MGMT: variants seen among roughly 807,000 people sequenced by gnomAD.
MGMT encodes methylated-DNA--protein-cysteine methyltransferase.
In MGMT, 14 loss-of-function variants were observed where a neutral mutation model predicts 15.9. The observed-to-expected ratio is 0.88, with a 90% CI of 0.58 to 1.37. MGMT has a LOEUF of 1.37. Among genes scored for constraint, MGMT ranks in the 40% most tolerant of loss-of-function variants. MGMT has a pLI of 0.00. For synonymous variants in MGMT, 130 were observed against 118.2 expected, an observed-to-expected ratio of 1.10 and a Z score of -0.65; for missense variants, 282 against 268.1, an observed-to-expected ratio of 1.05 and a Z score of -0.36.
intron 2 of MGMT, among the ~76,000 whole-genome samples, chr10:129,573,975 A>G (rs909007409): frequency 2.0e-5 from 3 of 152,272 alleles, no homozygotes; most frequent in African/African-American, 7.2e-5. Flanking sequence ...ATCTAACCCA[A>G]TACTTCATAT....
intron 1 of MGMT, among the ~76,000 whole-genome samples, chr10:129,486,686 A>T (rs1176639490): frequency 2.0e-5 from 3 of 152,174 alleles, no homozygotes; most frequent in South Asian, 2.1e-4. Context: ...TTCAAACTTT[A>T]TATGGAGGGG....
chr10:129,516,162 T>A (rs959708525), intron 1 of MGMT, among the ~76,000 whole-genome samples: 31 of 152,198 alleles, frequency 2.0e-4, no homozygotes, highest in Non-Finnish European at 3.8e-4. Context: ...TTGCTATTTT[T>A]ATTGCTCCAT....
chr10:129,727,180 T>C (rs1191689603), intron 3 of MGMT, among the ~76,000 whole-genome samples: 4 of 152,162 alleles, frequency 2.6e-5, no homozygotes, highest in Non-Finnish European at 5.9e-5. Context: ...TGGAGTCAGG[T>C]CTGGCCCCAA....
At chr10:129,626,582 G>T (rs940100362) in intron 2 of MGMT, among the ~76,000 whole-genome samples, 4 of 152,118 alleles carry the variant, frequency 2.6e-5, no homozygotes, top group African/African-American at 9.7e-5. Context: ...GGTTGGCAGG[G>T]TGCTCTGCTG....
intron 1 of MGMT, among the ~76,000 whole-genome samples, chr10:129,494,564 C>T (rs1845501956): frequency 6.6e-6 from 1 of 152,226 alleles, no homozygotes. Context: ...TGGAAATGTT[C>T]TGTGTCTCTG....
intron 2 of MGMT, among the ~76,000 whole-genome samples, chr10:129,687,065 G>T (rs917827795): frequency 1.3e-5 from 2 of 152,186 alleles, no homozygotes; most frequent in African/African-American, 2.4e-5. Context: ...CTCCTTAGTC[G>T]CTGCAACCCT....
At chr10:129,483,141 C>T (rs1311678171) in intron 1 of MGMT, among the ~76,000 whole-genome samples, 1 of 152,146 alleles carries the variant, frequency 6.6e-6, no homozygotes, top group African/African-American at 2.4e-5. Context: ...AATCTGCATT[C>T]ATGTGATATA....
chr10:129,551,806 A>G (rs1244140565), intron 2 of MGMT, among the ~76,000 whole-genome samples: 3 of 152,178 alleles, frequency 2.0e-5, no homozygotes, highest in African/African-American at 4.8e-5. Context: ...AGAGAAAGCC[A>G]GAGGGGTCAG....
rs572640206 is a variant in MGMT at position 129,673,703 on chromosome 10, C to T, written c.126-34192C>T. On this transcript the variant is annotated intron_variant, in intron 2 of 4. Transcript: ENST00000651593. ...CTATTAGTTGAAGAAATTGCCACCTCGTAATTTCAAATTAGTGGGAATTAA... is the reference window on the plus strand; with the variant it reads ...CTATTAGTTGAAGAAATTGCCACCTTGTAATTTCAAATTAGTGGGAATTAA... Among the ~76,000 whole-genome samples, 5 of 152,098 alleles carry T rather than the reference C, an allele frequency of 3.3e-5. No individual in the cohort carries two copies. In the East Asian group the frequency reaches 5.8e-4, roughly 18 times the overall value.
intron 2 of MGMT, among the ~76,000 whole-genome samples, chr10:129,554,515 G>A (rs961294487): frequency 5.3e-5 from 8 of 152,132 alleles, no homozygotes; most frequent in Non-Finnish European, 1.2e-4. Context: ...ATGTCCTGGT[G>A]AACCTCTATG....
chr10:129,721,819 A>G (rs1401428600), intron 3 of MGMT, among the ~76,000 whole-genome samples: 1 of 151,958 alleles, frequency 6.6e-6, no homozygotes, highest in Non-Finnish European at 1.5e-5. Flanking sequence ...TTTTATTAGA[A>G]TTAGCATATT....
chr10:129,642,888 C>G (rs183012894), intron 2 of MGMT, among the ~76,000 whole-genome samples: 24 of 151,870 alleles, frequency 1.6e-4, no homozygotes, highest in African/African-American at 5.6e-4. Flanking sequence ...GCCGCGATCC[C>G]ACCAAGGCAT....
At chr10:129,520,773 G>A (rs1420284093) in intron 1 of MGMT, among the ~76,000 whole-genome samples, 1 of 150,210 alleles carries the variant, frequency 6.7e-6, no homozygotes, top group Admixed American at 6.6e-5. Context: ...CCCCTAAGGT[G>A]TGCCTGCAGA....
At position 129,768,520 on chromosome 10, in the gene MGMT, G is replaced by A. The variant is rs566645266; in HGVS notation, c.*1523G>A. Among the ~76,000 whole-genome samples, 1 of 152,348 alleles carries A rather than the reference G, an allele frequency of 6.6e-6. No homozygotes were observed. Among genetic ancestry groups the A allele is most frequent in the Non-Finnish European group, 1.5e-5 (1 of 68,036 alleles). On this transcript the variant is annotated 3_prime_UTR_variant, in exon 5 of 5. Transcript: ENST00000651593. ...TCATTTTTGACGTTGCTGAAGGTGA[G>A]TGGGAAAAGCTGGGTGCACTCTGCC...
At position 129,594,876 on chromosome 10, in the gene MGMT, T is replaced by C. The variant is rs185534085; in HGVS notation, c.125+58499T>C. 2.4e-3 allele frequency among the ~76,000 whole-genome samples: 359 copies of C among 152,304 alleles called. 1 individual carries two copies. The highest frequency in any genetic ancestry group is 8.2e-3 in the African/African-American group (342 of 41,568). ...AATATTCCCCTGCGAGTTACACACA[T>C]CCAGGTGACCTTCGGACCAGCATTG... On this transcript the variant is annotated intron_variant, in intron 2 of 4. Transcript: ENST00000651593.
intron 3 of MGMT, among the ~76,000 whole-genome samples, chr10:129,725,184 T>C (rs1259301848): frequency 6.6e-6 from 1 of 152,228 alleles, no homozygotes; most frequent in East Asian, 1.9e-4. Context: ...TGCACTCAGC[T>C]TTGCAGCCGT....
At chr10:129,643,511 G>A (rs910816158) in intron 2 of MGMT, among the ~76,000 whole-genome samples, 4 of 152,148 alleles carry the variant, frequency 2.6e-5, no homozygotes, top group African/African-American at 9.7e-5. Context: ...GACGGCAGCA[G>A]AGCCTGGGCT....
chr10:129,696,123 AC>A (rs1235015119), intron 2 of MGMT, among the ~76,000 whole-genome samples: 2 of 151,310 alleles, frequency 1.3e-5, no homozygotes, highest in East Asian at 3.9e-4. Context: ...TTTATTAATG[AC>A]CCCCTGGCTC....
chr10:129,667,419 G>A (rs776458891), intron 2 of MGMT, among the ~76,000 whole-genome samples: 1 of 152,110 alleles, frequency 6.6e-6, no homozygotes, highest in Non-Finnish European at 1.5e-5. Flanking sequence ...CCAGTGTTAT[G>A]TTTGGGAGAC....
Sources: allele counts gnomAD v4.1 joint callset (sites outside exome capture counted in the v4.1 genomes callset), GRCh38; gene constraint gnomAD v4.1.1; transcripts MANE v1.5; gene names NCBI Gene and HGNC (gene_info 2026-07-23, HGNC 2026-07-21).